Variants in CBL observed in about 807,000 individuals in gnomAD.
CBL encodes Cbl proto-oncogene.
CBL carries 45 observed loss-of-function variants against 96.9 expected under a neutral mutation model. The observed-to-expected ratio is 0.46, with a 90% CI of 0.37 to 0.60. The LOEUF is 0.60. Ranked by LOEUF, CBL falls within the 20% of genes least tolerant of loss-of-function variation. The pLI is 0.00. For synonymous variants in CBL, 420 were observed against 426.8 expected, an observed-to-expected ratio of 0.98 and a Z score of 0.20; for missense variants, 1,024 against 1,143.5, an observed-to-expected ratio of 0.90 and a Z score of 1.51.
At chr11:119,214,102 A>G in intron 1 of CBL, among the ~76,000 whole-genome samples, 1 of 151,970 alleles carries the variant, frequency 6.6e-6, no homozygotes, top group East Asian at 1.9e-4. Flanking sequence ...GTGCTACCAC[A>G]GCCGGCTAAT....
At chr11:119,264,753 G>A (rs978297563) in intron 2 of CBL, among the ~76,000 whole-genome samples, 1 of 151,746 alleles carries the variant, frequency 6.6e-6, no homozygotes, top group Non-Finnish European at 1.5e-5. Flanking sequence ...TAAGTGCTGG[G>A]ATTACAGGCA....
Position 119,307,660 on chromosome 11 carries a change from C to T in CBL, c.*7879C>T, listed in dbSNP as rs1320823460. 1 of 228,286 alleles carries T rather than the reference C, an allele frequency of 4.4e-6. No individual in the cohort carries two copies. The highest frequency in any genetic ancestry group is 2.2e-5 in the African/African-American group (1 of 45,036). 14.1% of individuals were successfully genotyped at this position (228,286 alleles called of 1,614,324 possible). On this transcript the variant is annotated 3_prime_UTR_variant, in exon 16 of 16. Transcript: ENST00000264033. The stretch of plus-strand genomic sequence containing the variant: ...TCTTTTACCCTTTCCTCAGTTTTCC[C>T]CTGCCTTTAACTAATAAAGAATTGG...
At position 119,293,101 on chromosome 11, in the gene CBL, C is replaced by T. The variant is rs550000465; in HGVS notation, c.2037-3817C>T. On this transcript the variant is annotated intron_variant, in intron 12 of 15. Coordinates refer to ENST00000264033, the MANE Select transcript of CBL (RefSeq NM_005188.4). ...GTGATTTTTAAAAATGTATCGATTC[C>T]ATCCTTTTTTTTTTCTTTTTTGAGA... 4.2e-5 allele frequency among the ~76,000 whole-genome samples: 6 copies of T among 142,706 alleles called. No homozygotes were observed. The South Asian group carries it at 1.5e-3, about 35-fold the overall frequency. The allele number at this position is 142,706 out of a possible 152,430, so 93.6% of individuals were successfully genotyped here. A position where few individuals can be genotyped will look rare whatever the true frequency, so the allele number is the denominator to read the frequency against.
At chr11:119,228,169 A>G (rs1372826982) in intron 1 of CBL, among the ~76,000 whole-genome samples, 2 of 151,748 alleles carry the variant, frequency 1.3e-5, no homozygotes, top group African/African-American at 4.8e-5. Flanking sequence ...AGGCTAGAAT[A>G]TGGTGGTGTG....
At chr11:119,245,329 G>A (rs1034079454) in intron 2 of CBL, among the ~76,000 whole-genome samples, 1 of 151,876 alleles carries the variant, frequency 6.6e-6, no homozygotes, top group Non-Finnish European at 1.5e-5. Context: ...GGGTCATATC[G>A]ATCAACATTT....
chr11:119,268,443 T>G (rs963853337), intron 2 of CBL, among the ~76,000 whole-genome samples: 1 of 152,192 alleles, frequency 6.6e-6, no homozygotes, highest in African/African-American at 2.4e-5. Flanking sequence ...TAAGATGGTG[T>G]TGTCATTAAA....
chr11:119,275,368 G>A lies in CBL; in HGVS notation c.869+415G>A, dbSNP rs17848891. 9.2e-5 allele frequency among the ~76,000 whole-genome samples: 14 copies of A among 152,164 alleles called. No individual in the cohort carries two copies. The East Asian group carries it at 2.5e-3, about 27-fold the overall frequency. On this transcript the variant is annotated intron_variant, in intron 5 of 15. Transcript: ENST00000264033. ...CAGGAGAATCACTTGAACCTGGGAGGTGGAGGTTGCAGTGAGCCGAGATCA... is the reference window on the plus strand; with the variant it reads ...CAGGAGAATCACTTGAACCTGGGAGATGGAGGTTGCAGTGAGCCGAGATCA...
intron 12 of CBL, among the ~76,000 whole-genome samples, chr11:119,295,948 A>T (rs1208897440): frequency 6.6e-6 from 1 of 152,206 alleles, no homozygotes; most frequent in Non-Finnish European, 1.5e-5. Flanking sequence ...TGCATTGCAC[A>T]AATCTTAAGT....
In CBL at chr11:119,236,540, T is replaced by C. The variant is rs1949547396; in HGVS notation, c.443+3845T>C. On this transcript the variant is annotated intron_variant, in intron 2 of 15. Transcript: ENST00000264033. ...TGTTGCTATGATTATGTGCCAGTTTTTGTATGGCTATAGCCATATAAACAT... is the reference window on the plus strand; with the variant it reads ...TGTTGCTATGATTATGTGCCAGTTTCTGTATGGCTATAGCCATATAAACAT... Among the ~76,000 whole-genome samples, 4 of 151,306 alleles carry C rather than the reference T, an allele frequency of 2.6e-5. No homozygotes were observed. In the South Asian group the frequency reaches 8.3e-4, roughly 31 times the overall value.
chr11:119,212,193 C>T (rs939309279), intron 1 of CBL, among the ~76,000 whole-genome samples: 3 of 151,972 alleles, frequency 2.0e-5, no homozygotes, highest in African/African-American at 4.8e-5. Context: ...TGAGCCACCA[C>T]GCCCAGCCTT....
At chr11:119,221,062 T>C (rs1949405597) in intron 1 of CBL, among the ~76,000 whole-genome samples, 1 of 151,532 alleles carries the variant, frequency 6.6e-6, no homozygotes, top group Non-Finnish European at 1.5e-5. Flanking sequence ...TTGTTCAACA[T>C]GTGAAACCCC....
chr11:119,306,965 T>C lies in CBL; in HGVS notation c.*7184T>C. On this transcript the variant is annotated 3_prime_UTR_variant, in exon 16 of 16. Transcript: ENST00000264033. Reference sequence around the variant, plus strand: ...TGAAAAAAAAAAAAAGCCAAATGTTTTGTGCCTTTCTAAGGCAGCACTGTA... The same window carrying C: ...TGAAAAAAAAAAAAAGCCAAATGTTCTGTGCCTTTCTAAGGCAGCACTGTA... 4.4e-6 allele frequency: 1 copy of C among 229,426 alleles called. No homozygotes were observed. The highest frequency in any genetic ancestry group is 8.7e-6 in the Non-Finnish European group (1 of 115,378). 14.2% of individuals were successfully genotyped at this position (229,426 alleles called of 1,614,324 possible).
At chr11:119,253,988 C>CAAAAAAA (rs55881003) in intron 2 of CBL, among the ~76,000 whole-genome samples, 1 of 67,050 alleles carries the variant, frequency 1.5e-5, no homozygotes, top group South Asian at 6.9e-4. Flanking sequence ...GACCTTGACT[C>CAAAAAAA]AAAAAAAAAA....
rs1428398685 is a variant in CBL, at chr11:119,285,322, C to G, written c.1697C>G (p.Pro566Arg). Residue 566 changes from proline (P) to arginine (R), a missense_variant, in exon 11 of 16, where the codon CCT becomes CGT. By Grantham distance (103) the Pro-to-Arg change is moderately radical (BLOSUM62 -2). This residue lies in a region of CBL where 695 missense variants were observed against 661.6 expected (regional missense o/e 1.05). Transcript: ENST00000264033. ...TCCCGACCTCAAAGACGCCCCTTGC[C>G]TTGTACACCAGGCGACTGTCCCTCC... ...AESRPQRRPL[P>R]CTPGDCPSRD... 6.2e-7 allele frequency: 1 copy of G among 1,614,184 alleles called. No individual in the cohort carries two copies. The highest frequency in any genetic ancestry group is 1.7e-5 in the Admixed American group (1 of 60,016).
Position 119,287,875 on chromosome 11 carries a change from A to G in CBL, c.1965A>G (p.Val655=). Residue 655 remains valine, a synonymous_variant, in exon 12 of 16, where the codon GTA becomes GTG. Coordinates refer to ENST00000264033, the MANE Select transcript of CBL (RefSeq NM_005188.4). ...TSMSMNSSPL[V]GPECDHPKIK... ...AGAGTATGAATAGCAGCCCATTAGT[A>G]GGTCCAGAGTGTGACCACCCCAAAA... 6.2e-7 allele frequency: 1 copy of G among 1,612,256 alleles called. No homozygotes were observed. The highest frequency in any genetic ancestry group is 8.5e-7 in the Non-Finnish European group (1 of 1,178,254).
Position 119,285,086 on chromosome 11 carries a change from G to C in CBL, c.1549G>C (p.Gly517Arg). Reference sequence around the variant, plus strand: ...TGTTCCCTCAAGTGCTTCTGCTCTTGGAACTGCTTCTAAGGTAAAGCATTT... The same window carrying C: ...TGTTCCCTCAAGTGCTTCTGCTCTTCGAACTGCTTCTAAGGTAAAGCATTT... ...VCVPSSASAL[G>R]TASKAASGSL... is the part of the protein sequence containing the mutation. Residue 517 changes from glycine to arginine, a missense_variant, in exon 10 of 16, where the codon GGA (glycine) becomes CGA (arginine). Around this residue, in one of 4 missense-constraint regions of CBL, gnomAD observed 695 missense variants for 661.6 expected, o/e 1.05. Coordinates refer to ENST00000264033, the MANE Select transcript of CBL (RefSeq NM_005188.4). 1 of 1,614,066 alleles carries C rather than the reference G, an allele frequency of 6.2e-7. No individual in the cohort carries two copies. The highest frequency in any genetic ancestry group is 8.5e-7 in the Non-Finnish European group (1 of 1,180,018).
At chr11:119,241,270 G>C (rs1949584855) in intron 2 of CBL, among the ~76,000 whole-genome samples, 2 of 152,184 alleles carry the variant, frequency 1.3e-5, no homozygotes, top group South Asian at 4.1e-4. Flanking sequence ...TGATCTTTCT[G>C]GGTTTTGCAC....
chr11:119,216,363 T>TATTC (rs1949360226), intron 1 of CBL, among the ~76,000 whole-genome samples: 1 of 150,984 alleles, frequency 6.6e-6, no homozygotes, highest in African/African-American at 2.4e-5. Flanking sequence ...TTTATTTATT[T>TATTC]ATTTATTTAT....
In CBL at chr11:119,234,084, G is replaced by A. The variant is rs561101132; in HGVS notation, c.443+1389G>A. 7.2e-5 allele frequency among the ~76,000 whole-genome samples: 11 copies of A among 152,210 alleles called. No individual in the cohort carries two copies. The South Asian group carries it at 2.1e-3, about 29-fold the overall frequency. ...TGCAGTGGTGTGATCTTGGCTCACC[G>A]CAACCTCCGCCTCTTGGGTTCAAGT... On this transcript the variant is annotated intron_variant, in intron 2 of 15. Transcript: ENST00000264033.
Sources: allele counts gnomAD v4.1 joint callset (sites outside exome capture counted in the v4.1 genomes callset), GRCh38; gene constraint gnomAD v4.1.1; regional missense constraint gnomAD v4.1.1; transcripts MANE v1.5; gene names NCBI Gene and HGNC (gene_info 2026-07-23, HGNC 2026-07-21).